Variants in UBE3D observed in about 807,000 individuals in gnomAD.
The protein encoded by UBE3D is E3 ubiquitin-protein ligase E3D.
A neutral mutation model predicts 49.6 loss-of-function variants in UBE3D; 48 were observed. The observed-to-expected ratio is 0.97, with a 90% CI of 0.77 to 1.23. The LOEUF (loss-of-function observed/expected upper bound fraction) is 1.23. UBE3D is among the 50% of genes most tolerant of loss of function. The pLI, the probability that UBE3D is intolerant of heterozygous loss-of-function variation, is 0.00. For missense variants in UBE3D, 452 were observed against 468.4 expected (o/e 0.96, Z 0.32); for synonymous variants, 189 against 174.2 (o/e 1.08, Z -0.67).
intron 9 of UBE3D, among the ~76,000 whole-genome samples, chr6:82,895,087 A>G (rs1331420134): frequency 1.3e-5 from 2 of 152,190 alleles, no homozygotes; most frequent in Non-Finnish European, 1.5e-5. Context: ...CAAGGCAGGC[A>G]GATGGCTTGA....
At chr6:82,883,283 T>C in the UBE3D span, among the ~76,000 whole-genome samples, 2 of 152,194 alleles carry the variant, frequency 1.3e-5, no homozygotes, top group Non-Finnish European at 2.9e-5. Flanking sequence ...TTAAAGGATA[T>C]AGAACCTTTT....
intron 5 of UBE3D, chr6:83,036,033 T>TC (rs1782226621): frequency 6.8e-6 from 1 of 147,552 alleles, no homozygotes; most frequent in Admixed American, 6.8e-5. Flanking sequence ...TTTTTTTTTT[T>TC]TTTTTTTTGA....
At chr6:82,930,949 T>C (rs982426749) in intron 9 of UBE3D, among the ~76,000 whole-genome samples, 15 of 152,322 alleles carry the variant, frequency 9.8e-5, no homozygotes, top group African/African-American at 3.4e-4. Flanking sequence ...GAGACTTTCA[T>C]GGCAGCCCCT....
chr6:82,997,013 AC>A (rs141001686), intron 8 of UBE3D, among the ~76,000 whole-genome samples: 19,923 of 152,182 alleles, frequency 0.13, 1,336 homozygotes, highest in South Asian at 0.15. Context: ...TTATCATCTT[AC>A]ATTAGGGGAA....
At chr6:82,930,419 G>A (rs929726791) in intron 9 of UBE3D, among the ~76,000 whole-genome samples, 1 of 152,202 alleles carries the variant, frequency 6.6e-6, no homozygotes, top group Non-Finnish European at 1.5e-5. Flanking sequence ...TGGGTAACAG[G>A]CAGAGGTTGG....
chr6:82,974,337 A>G (rs1176171322), intron 8 of UBE3D, among the ~76,000 whole-genome samples: 1 of 152,242 alleles, frequency 6.6e-6, no homozygotes, highest in East Asian at 1.9e-4. Flanking sequence ...CTACGTATCC[A>G]TAGGGGATTG....
intron 5 of UBE3D, among the ~76,000 whole-genome samples, chr6:83,033,209 T>C (rs1392768738): frequency 2.0e-5 from 3 of 152,076 alleles, no homozygotes; most frequent in Admixed American, 1.3e-4. Context: ...CCAGATCTCA[T>C]AGGCATTCCC....
rs140672271 is a variant in UBE3D at position 82,988,713 on chromosome 6, T to C, written c.1010+30260A>G. Among the ~76,000 whole-genome samples, 82 of 152,310 alleles carry C rather than the reference T, an allele frequency of 5.4e-4. 1 individual carries two copies. The highest frequency in any genetic ancestry group is 1.8e-3 in the African/African-American group (76 of 41,574). On this transcript the variant is annotated intron_variant, in intron 8 of 9. Transcript: ENST00000369747. ...TACATATGTTCTGCCATGTGCCATT[T>C]CCTTTCTTTAGTTTTTCTAAACTTT...
chr6:82,997,708 G>C (rs566385322), intron 8 of UBE3D, among the ~76,000 whole-genome samples: 27 of 152,224 alleles, frequency 1.8e-4, no homozygotes, highest in African/African-American at 6.3e-4. Flanking sequence ...GACACAGCAA[G>C]ACTCTGTCTT....
At chr6:83,035,003 G>C (rs1782144643) in intron 5 of UBE3D, among the ~76,000 whole-genome samples, 1 of 151,774 alleles carries the variant, frequency 6.6e-6, no homozygotes, top group South Asian at 2.1e-4. Context: ...GCAACATATG[G>C]AGACCCCACT....
At chr6:82,960,847 T>C (rs1379757145) in intron 8 of UBE3D, among the ~76,000 whole-genome samples, 2 of 152,172 alleles carry the variant, frequency 1.3e-5, no homozygotes, top group African/African-American at 2.4e-5. Flanking sequence ...GACATTTGTA[T>C]GTTCAATAAA....
At position 83,065,647 on chromosome 6, in the gene UBE3D, GATC is replaced by G; in HGVS notation, c.69_71del (p.Ile24del). 2.5e-6 allele frequency: 4 copies of G among 1,613,920 alleles called. No individual in the cohort carries two copies. The highest frequency in any genetic ancestry group is 3.4e-6 in the Non-Finnish European group (4 of 1,179,906). ...CCTAGAATCCCAGTTCTTACCCCAGGATCAGAAGCGCGCTCTGCAGCTGTCCCC... is the reference window on the plus strand; with the variant it reads ...CCTAGAATCCCAGTTCTTACCCCAGGAGAAGCGCGCTCTGCAGCTGTCCCC... On this transcript the variant is annotated inframe_deletion, in exon 1 of 10. Transcript: ENST00000369747.
At chr6:83,062,094 C>G (rs1434682598) in intron 1 of UBE3D, among the ~76,000 whole-genome samples, 1 of 151,796 alleles carries the variant, frequency 6.6e-6, no homozygotes, top group African/African-American at 2.4e-5. Flanking sequence ...TTTGTATATT[C>G]TCTGCCGCCT....
chr6:82,890,355 A>G (rs1404347728), downstream of UBE3D, among the ~76,000 whole-genome samples: 1 of 152,122 alleles, frequency 6.6e-6, no homozygotes, highest in East Asian at 1.9e-4. Context: ...TCACAGGTAC[A>G]GACATGTTAC....
intron 8 of UBE3D, among the ~76,000 whole-genome samples, chr6:83,005,307 T>A (rs1263458129): frequency 6.6e-6 from 1 of 150,902 alleles, no homozygotes; most frequent in Non-Finnish European, 1.5e-5. Flanking sequence ...ATGACGGCTA[T>A]TATTAAAAAA....
At chr6:82,966,616 C>G (rs1427988542) in intron 8 of UBE3D, among the ~76,000 whole-genome samples, 1 of 65,240 alleles carries the variant, frequency 1.5e-5, no homozygotes, top group Non-Finnish European at 3.0e-5. Flanking sequence ...CGCCACTGCA[C>G]TCCAGCCTGG....
At chr6:82,983,843 A>G (rs757732960) in intron 8 of UBE3D, among the ~76,000 whole-genome samples, 2 of 152,200 alleles carry the variant, frequency 1.3e-5, no homozygotes, top group Non-Finnish European at 2.9e-5. Context: ...AGAGAGATAT[A>G]CAGTCCAATG....
chr6:82,914,839 T>C (rs1357956471), intron 9 of UBE3D, among the ~76,000 whole-genome samples: 34 of 152,220 alleles, frequency 2.2e-4, no homozygotes, highest in Admixed American at 2.2e-3. Context: ...TAAGAAAATA[T>C]GAGCGATGAA....
downstream of UBE3D, among the ~76,000 whole-genome samples, chr6:82,890,188 T>C (rs188037012): frequency 6.6e-6 from 1 of 152,250 alleles, no homozygotes; most frequent in East Asian, 1.9e-4. Flanking sequence ...CCCAGCATGG[T>C]TTAAAATGAA....
Sources: allele counts gnomAD v4.1 joint callset (sites outside exome capture counted in the v4.1 genomes callset), GRCh38; gene constraint gnomAD v4.1.1; transcripts MANE v1.5; gene names NCBI Gene and HGNC (gene_info 2026-07-23, HGNC 2026-07-21).